The following PTPRN2 variants were observed in gnomAD, a reference collection of about 807,000 sequenced individuals.
PTPRN2 encodes protein tyrosine phosphatase receptor type N2, also known as receptor-type tyrosine-protein phosphatase N2.
In PTPRN2, 74 loss-of-function variants were observed where a neutral mutation model predicts 118.8. The ratio of observed to expected loss-of-function variants is 0.62; its 90% CI spans 0.52 to 0.76. PTPRN2 has a LOEUF of 0.76. Ranked by LOEUF, PTPRN2 falls within the 30% of genes least tolerant of loss-of-function variation. The pLI is 0.00. For synonymous variants in PTPRN2, 641 were observed against 608.0 expected, an observed-to-expected ratio of 1.05 and a Z score of -0.80; for missense variants, 1,481 against 1,394.4, an observed-to-expected ratio of 1.06 and a Z score of -0.99.
At chr7:158,120,320 T>C (rs1474535491) in intron 9 of PTPRN2, among the ~76,000 whole-genome samples, 1 of 152,152 alleles carries the variant, frequency 6.6e-6, no homozygotes, top group Non-Finnish European at 1.5e-5. Context: ...TGCTTAAACA[T>C]GGGTAAGACA....
intron 11 of PTPRN2, among the ~76,000 whole-genome samples, chr7:157,917,520 T>C (rs1473658412): frequency 6.6e-6 from 1 of 152,218 alleles, no homozygotes; most frequent in African/African-American, 2.4e-5. Flanking sequence ...GCAGTAATAA[T>C]AGCGGCAGGC....
chr7:158,220,963 A>C (rs1191556221), intron 3 of PTPRN2, among the ~76,000 whole-genome samples: 1 of 152,218 alleles, frequency 6.6e-6, no homozygotes, highest in Non-Finnish European at 1.5e-5. Context: ...CTGACTTCAA[A>C]ATATACTATA....
At chr7:157,637,126 A>T (rs1460245115) in intron 14 of PTPRN2, among the ~76,000 whole-genome samples, 1 of 152,208 alleles carries the variant, frequency 6.6e-6, no homozygotes, top group African/African-American at 2.4e-5. Flanking sequence ...AAAGAATTTG[A>T]CTCTAGCTTC....
intron 14 of PTPRN2, among the ~76,000 whole-genome samples, chr7:157,649,620 C>T (rs376105670): frequency 1.3e-4 from 4 of 31,586 alleles, no homozygotes; most frequent in African/African-American, 1.7e-4. Flanking sequence ...TCGGTGGGTC[C>T]GATCCATTCA....
chr7:157,608,796 G>A (rs763166083), intron 15 of PTPRN2, among the ~76,000 whole-genome samples: 39 of 152,182 alleles, frequency 2.6e-4, no homozygotes, highest in Non-Finnish European at 4.3e-4. Flanking sequence ...GCTCCCTTCT[G>A]TTGTCAAATG....
intron 3 of PTPRN2, among the ~76,000 whole-genome samples, chr7:158,281,697 T>C (rs1300804330): frequency 6.6e-6 from 1 of 152,178 alleles, no homozygotes; most frequent in Non-Finnish European, 1.5e-5. Flanking sequence ...GGTGCTGGCT[T>C]TGCACCCACC....
intron 12 of PTPRN2, among the ~76,000 whole-genome samples, chr7:157,737,286 G>A (rs1242655329): frequency 6.6e-6 from 1 of 152,240 alleles, no homozygotes; most frequent in Non-Finnish European, 1.5e-5. Flanking sequence ...CCAGACTGGG[G>A]CCTGTGTGGA....
chr7:157,901,161 A>T (rs554293533), intron 11 of PTPRN2, among the ~76,000 whole-genome samples: 1 of 152,186 alleles, frequency 6.6e-6, no homozygotes, highest in Admixed American at 6.5e-5. Flanking sequence ...CAGCTCTCAC[A>T]GGAGTTAAGA....
At chr7:157,880,751 G>A (rs561627607) in intron 12 of PTPRN2, among the ~76,000 whole-genome samples, 53 of 152,232 alleles carry the variant, frequency 3.5e-4, no homozygotes, top group Non-Finnish European at 5.7e-4. Flanking sequence ...TCTAAAAATC[G>A]CGCTAAATTT....
chr7:158,175,293 T>A (rs900581108), intron 5 of PTPRN2, among the ~76,000 whole-genome samples: 1 of 152,196 alleles, frequency 6.6e-6, no homozygotes, highest in Admixed American at 6.5e-5. Context: ...GGCTTCCTAA[T>A]GAGCCGGCAC....
At chr7:157,767,926 G>T (rs1442267799) in intron 12 of PTPRN2, among the ~76,000 whole-genome samples, 1 of 152,220 alleles carries the variant, frequency 6.6e-6, no homozygotes, top group Non-Finnish European at 1.5e-5. Flanking sequence ...AAGCCCGCTT[G>T]AGGGACATTA....
chr7:157,847,135 C>T (rs1356247368), intron 12 of PTPRN2, among the ~76,000 whole-genome samples: 2 of 142,014 alleles, frequency 1.4e-5, no homozygotes, highest in Non-Finnish European at 3.0e-5. Flanking sequence ...ACAGAGCCCT[C>T]TCTCACTCCA....
At chr7:158,166,812 C>T in intron 6 of PTPRN2, 119 bp downstream of exon 6, 1 of 1,268,164 alleles carries the variant, frequency 7.9e-7, no homozygotes. Flanking sequence ...TGCCACGCGT[C>T]CTCGGGGGAG....
At chr7:157,883,045 G>A (rs1004852488) in intron 12 of PTPRN2, among the ~76,000 whole-genome samples, 2 of 150,214 alleles carry the variant, frequency 1.3e-5, no homozygotes, top group Non-Finnish European at 2.9e-5. Flanking sequence ...GACTGTTGGA[G>A]ATCAAAACAC....
intron 5 of PTPRN2, among the ~76,000 whole-genome samples, chr7:158,167,884 A>C (rs1823174891): frequency 6.6e-6 from 1 of 152,224 alleles, no homozygotes; most frequent in African/African-American, 2.4e-5. Context: ...TGTATATCCC[A>C]CATTTTAAAA....
intron 12 of PTPRN2, among the ~76,000 whole-genome samples, chr7:157,747,803 GA>G (rs1801089079): frequency 2.1e-5 from 2 of 95,348 alleles, no homozygotes; most frequent in African/African-American, 4.4e-5. Context: ...GTGGGCTGTT[GA>G]GGTGATTCTG....
chr7:158,385,956 C>T (rs1811309132), intron 2 of PTPRN2, among the ~76,000 whole-genome samples: 2 of 148,658 alleles, frequency 1.3e-5, no homozygotes, highest in Non-Finnish European at 3.0e-5. Flanking sequence ...GCTCTGAGTC[C>T]CTATTTCTGT....
rs113939806 is a variant in PTPRN2, at chr7:158,109,595, G to A, written c.1643+1234C>T. Among the ~76,000 whole-genome samples, 472 of 151,872 alleles carry A rather than the reference G, an allele frequency of 3.1e-3. 5 individuals are homozygous for A. The highest frequency in any genetic ancestry group is 0.011 in the African/African-American group (435 of 41,320). On this transcript the variant is annotated intron_variant, in intron 10 of 22. Transcript: ENST00000389418. Reference sequence around the variant, plus strand: ...CAGTGAATGAATGACATCACCCTGCGTGTAGGAGCCAGTGAGTGAATGACG... The same window carrying A: ...CAGTGAATGAATGACATCACCCTGCATGTAGGAGCCAGTGAGTGAATGACG...
intron 11 of PTPRN2, among the ~76,000 whole-genome samples, chr7:158,013,561 A>G (rs1806196973): frequency 6.6e-6 from 1 of 151,778 alleles, no homozygotes; most frequent in African/African-American, 2.4e-5. Context: ...CCAAACATAC[A>G]TTAATCTACC....
Sources: gnomAD v4.1 joint callset for allele counts (sites outside exome capture counted in the v4.1 genomes callset) on GRCh38, gnomAD v4.1.1 for gene constraint, MANE v1.5 for transcripts, NCBI Gene and HGNC (gene_info 2026-07-23, HGNC 2026-07-21) for gene names.